EDA: variants seen among roughly 807,000 people sequenced by gnomAD.
EDA encodes the protein ectodysplasin A.
A neutral mutation model predicts 23.6 loss-of-function variants in EDA; 2 were observed. The observed-to-expected ratio is 0.08, with a 90% CI of 0.03 to 0.27. The LOEUF is 0.27. Ranked by LOEUF, EDA falls within the 10% of genes least tolerant of loss-of-function variation. EDA has a pLI of 1.00. For missense variants in EDA, 229 were observed against 324.2 expected, an observed-to-expected ratio of 0.71 and a Z score of 2.26; for synonymous variants, 131 against 132.0, an observed-to-expected ratio of 0.99 and a Z score of 0.05.
At chrX:69,846,589 C>T (rs2017013141) in intron 1 of EDA, among the ~76,000 whole-genome samples, 1 of 111,488 alleles carries the variant, frequency 9.0e-6, no homozygotes, top group Admixed American at 9.6e-5. Flanking sequence ...GCCACCGTGC[C>T]CGGCCTGTTT....
intron 2 of EDA, among the ~76,000 whole-genome samples, chrX:70,003,616 C>T (rs745518994): frequency 8.9e-6 from 1 of 111,895 alleles, no homozygotes; most frequent in South Asian, 3.7e-4. Context: ...AAAGTTCATG[C>T]TGTTTCCACA....
chrX:69,701,317 T>C (rs1317836400), intron 1 of EDA, among the ~76,000 whole-genome samples: 1 of 110,645 alleles, frequency 9.0e-6, no homozygotes, highest in Non-Finnish European at 1.9e-5. Flanking sequence ...CGACTTCCAG[T>C]GGGGTCCTCC....
At chrX:69,643,363 A>G (rs1932863501) in intron 1 of EDA, among the ~76,000 whole-genome samples, 1 of 110,646 alleles carries the variant, frequency 9.0e-6, no homozygotes, top group East Asian at 2.8e-4. Context: ...GGTTTGCTGC[A>G]CAGATCATCC....
At chrX:70,014,855 A>G (rs904014162) in intron 2 of EDA, among the ~76,000 whole-genome samples, 3 of 112,324 alleles carry the variant, frequency 2.7e-5, no homozygotes, top group African/African-American at 9.7e-5. Flanking sequence ...TCAGTCAGAC[A>G]AAAATAAAGA....
At chrX:69,840,777 G>A (rs867711133) in intron 1 of EDA, among the ~76,000 whole-genome samples, 1 of 111,759 alleles carries the variant, frequency 8.9e-6, no homozygotes, top group Non-Finnish European at 1.9e-5. Flanking sequence ...GTTGTCTGGC[G>A]AGGGTTTCTC....
At chrX:69,844,140 C>T (rs1206610844) in intron 1 of EDA, among the ~76,000 whole-genome samples, 1 of 110,441 alleles carries the variant, frequency 9.1e-6, no homozygotes, top group Non-Finnish European at 1.9e-5. Context: ...ATGTAGACTA[C>T]AGCGAATTTT....
At chrX:69,679,811 T>G (rs1433115653) in intron 1 of EDA, among the ~76,000 whole-genome samples, 44 of 110,558 alleles carry the variant, frequency 4.0e-4, no homozygotes, top group African/African-American at 1.4e-3. Flanking sequence ...TTTTTGTGTC[T>G]CTATTTCCTT....
At chrX:70,033,236 A>G (rs1272227942) in intron 6 of EDA, among the ~76,000 whole-genome samples, 162 bp from the exon 7 acceptor site, 1 of 112,910 alleles carries the variant, frequency 8.9e-6, no homozygotes, top group Non-Finnish European at 1.9e-5. Context: ...TTACAAACAG[A>G]ACAGCTTCTC....
chrX:69,682,707 C>G (rs912011128), intron 1 of EDA, among the ~76,000 whole-genome samples: 5 of 111,298 alleles, frequency 4.5e-5, no homozygotes, highest in Non-Finnish European at 9.4e-5. Context: ...ACCCACTGAC[C>G]TATGCCCACT....
intron 2 of EDA, among the ~76,000 whole-genome samples, chrX:69,958,176 C>CT (rs773586626): frequency 7.0e-4 from 78 of 112,048 alleles, no homozygotes; most frequent in Middle Eastern, 4.2e-3. Context: ...CAGCATCACT[C>CT]TGTCAATTGA....
At chrX:69,895,341 G>A (rs779696608) in intron 1 of EDA, among the ~76,000 whole-genome samples, 16 of 106,945 alleles carry the variant, frequency 1.5e-4, no homozygotes, top group Non-Finnish European at 2.1e-4. Flanking sequence ...GGATTTGTAC[G>A]ATGCCATCCA....
intron 2 of EDA, among the ~76,000 whole-genome samples, chrX:69,994,229 A>ATTTT (rs2019626672): frequency 9.0e-6 from 1 of 111,722 alleles, no homozygotes; most frequent in Admixed American, 9.5e-5. Context: ...CACAAGTGAT[A>ATTTT]TTTTCTTCCT....
intron 1 of EDA, among the ~76,000 whole-genome samples, chrX:69,924,182 T>C (rs1310531337): frequency 1.8e-5 from 2 of 111,988 alleles, no homozygotes; most frequent in African/African-American, 6.5e-5. Flanking sequence ...AGATCCCGTT[T>C]GTCAATTTTG....
At chrX:69,618,988 C>T (rs1932082581) in intron 1 of EDA, among the ~76,000 whole-genome samples, 1 of 111,749 alleles carries the variant, frequency 8.9e-6, no homozygotes, top group Non-Finnish European at 1.9e-5. Context: ...TTCTAGTGCC[C>T]TGGTGCACCC....
intron 1 of EDA, among the ~76,000 whole-genome samples, chrX:69,827,432 C>T (rs890495673): frequency 3.6e-5 from 4 of 111,595 alleles, no homozygotes; most frequent in African/African-American, 6.5e-5. Flanking sequence ...CTTCCCTTCT[C>T]GCTTCATTTC....
chrX:69,970,429 A>G (rs1413166068), intron 2 of EDA, among the ~76,000 whole-genome samples: 1 of 112,098 alleles, frequency 8.9e-6, no homozygotes, highest in Non-Finnish European at 1.9e-5. Flanking sequence ...TAAAATGAGA[A>G]TAGTACTAAT....
intron 1 of EDA, among the ~76,000 whole-genome samples, chrX:69,916,068 T>C (rs1038248511): frequency 1.8e-5 from 2 of 111,874 alleles, no homozygotes; most frequent in Non-Finnish European, 3.8e-5. Context: ...GTGCAGACTT[T>C]GAAGGCAGAT....
chrX:69,658,336 A>AT lies in EDA; in HGVS notation c.396+41636dup, dbSNP rs573950699. ...AAATGCTACTGATCTTTGTGCATTG[A>AT]TTTTGTATCCTGAGACTTTGCTGAG... On this transcript the variant is annotated intron_variant, in intron 1 of 7. Transcript: ENST00000374552. Among the ~76,000 whole-genome samples the AT allele has an allele frequency of 1.0e-4, 11 of 108,178 alleles. No homozygotes were observed. In the South Asian group the frequency reaches 4.5e-3, roughly 44 times the overall value. The allele number at this position is 108,178 out of a possible 115,157, so 93.9% of individuals were successfully genotyped here.
intron 3 of EDA, among the ~76,000 whole-genome samples, chrX:70,024,742 C>T (rs1820353328): frequency 9.0e-6 from 1 of 111,615 alleles, no homozygotes; most frequent in African/African-American, 3.3e-5. Context: ...TGGAATTTTC[C>T]TCCTTCCACA....
Sources: allele counts gnomAD v4.1 joint callset (sites outside exome capture counted in the v4.1 genomes callset), GRCh38; gene constraint gnomAD v4.1.1; transcripts MANE v1.5; gene names NCBI Gene and HGNC (gene_info 2026-07-23, HGNC 2026-07-21).